ULK2: variants seen among roughly 807,000 people sequenced by gnomAD.
ULK2 encodes serine/threonine-protein kinase ULK2.
ULK2 carries 76 observed loss-of-function variants against 127.5 expected under a neutral mutation model. The ratio of observed to expected loss-of-function variants is 0.60; its 90% CI spans 0.50 to 0.72. ULK2 has a LOEUF of 0.72. ULK2 is among the 30% of genes least tolerant of loss of function. ULK2 has a pLI of 0.00. For synonymous variants in ULK2, 452 were observed against 461.9 expected (o/e 0.98, Z 0.28); for missense variants, 1,144 against 1,295.9 (o/e 0.88, Z 1.80).
chr17:19,793,278 T>TG (rs1277541066), intron 20 of ULK2, among the ~76,000 whole-genome samples: 1 of 152,144 alleles, frequency 6.6e-6, no homozygotes, highest in African/African-American at 2.4e-5. Flanking sequence ...TACCTCCACC[T>TG]GGCTCTCCCC....
rs555678776 is a variant in ULK2, at chr17:19,817,767, T to C, written c.925-847A>G. Among the ~76,000 whole-genome samples the C allele has an allele frequency of 2.0e-5, 3 of 152,248 alleles. No individual in the cohort carries two copies. In the South Asian group the frequency reaches 6.2e-4, roughly 32 times the overall value. ...TTATTTAAGGAACGGAAAAATACTA[T>C]ATTATGCTCTTTAAACCCAAGCCTT... On this transcript the variant is annotated intron_variant, in intron 12 of 26. Transcript: ENST00000395544.
intron 26 of ULK2, 58 bp downstream of exon 26, chr17:19,777,523 C>T (rs1216322853): frequency 1.2e-5 from 19 of 1,542,518 alleles, no homozygotes; most frequent in Non-Finnish European, 1.6e-5. Flanking sequence ...TTGTACTATG[C>T]TTGTGATAGA....
At chr17:19,839,012 C>T (rs1346250998) in intron 9 of ULK2, among the ~76,000 whole-genome samples, 1 of 143,916 alleles carries the variant, frequency 6.9e-6, no homozygotes, top group Admixed American at 7.1e-5. Context: ...GGCTGGGCGA[C>T]AGAGCAAGAC....
intron 1 of ULK2, among the ~76,000 whole-genome samples, chr17:19,866,689 T>C (rs540736277): frequency 1.3e-5 from 2 of 152,346 alleles, no homozygotes; most frequent in South Asian, 4.1e-4. Flanking sequence ...GTAACTGTAC[T>C]TGCGAAACAG....
At chr17:19,815,862 TA>T (rs999546158) in intron 13 of ULK2, among the ~76,000 whole-genome samples, 4 of 151,196 alleles carry the variant, frequency 2.6e-5, no homozygotes, top group African/African-American at 9.7e-5. Context: ...TAACAAAATT[TA>T]AAAAAAAGAA....
chr17:19,867,191 G>C (rs1484055188), intron 1 of ULK2, 137 bp downstream of exon 1: 3 of 631,712 alleles, frequency 4.7e-6, no homozygotes, highest in African/African-American at 3.9e-5. Context: ...CAAACGGCGA[G>C]ACGGGCTGCG....
intron 1 of ULK2, 38 bp downstream of exon 1, chr17:19,867,290 G>A: frequency 6.7e-7 from 1 of 1,497,504 alleles, no homozygotes; most frequent in Non-Finnish European, 8.9e-7. Flanking sequence ...CCCCGTGCCT[G>A]CCGCCCGGGG....
chr17:19,852,860 C>T (rs1299781408), intron 3 of ULK2, among the ~76,000 whole-genome samples: 1 of 151,854 alleles, frequency 6.6e-6, no homozygotes, highest in Non-Finnish European at 1.5e-5. Flanking sequence ...CTGTGTTAGC[C>T]AGGATGGTCT....
chr17:19,846,010 C>T (rs2041872073), intron 6 of ULK2, among the ~76,000 whole-genome samples: 1 of 152,102 alleles, frequency 6.6e-6, no homozygotes, highest in South Asian at 2.1e-4. Flanking sequence ...TTGCGCATCC[C>T]AGCTACTTGG....
intron 16 of ULK2, among the ~76,000 whole-genome samples, chr17:19,801,423 T>C (rs2087394979): frequency 6.6e-6 from 1 of 151,644 alleles, no homozygotes. Context: ...AATAAAAAAG[T>C]AAAAAAAATT....
At chr17:19,796,341 T>G (rs2087271772) in intron 18 of ULK2, 59 bp from the exon 19 acceptor site, 3 of 1,452,068 alleles carry the variant, frequency 2.1e-6, no homozygotes, top group Non-Finnish European at 2.7e-6. Flanking sequence ...CATGAACTAT[T>G]CAGTACTGGC....
intron 12 of ULK2, among the ~76,000 whole-genome samples, chr17:19,822,933 A>G (rs373890): frequency 6.8e-6 from 1 of 147,064 alleles, no homozygotes; most frequent in East Asian, 2.0e-4. Context: ...TGATCTGGCC[A>G]CCTCAGCCTC....
chr17:19,852,580 G>GT (rs1284899321), intron 3 of ULK2, among the ~76,000 whole-genome samples: 2 of 149,636 alleles, frequency 1.3e-5, no homozygotes, highest in Admixed American at 1.3e-4. Context: ...TATTTAAAGT[G>GT]TTTTTATACT....
At chr17:19,777,864 G>T in intron 25 of ULK2, 148 bp from the exon 26 acceptor site, 7 of 1,020,408 alleles carry the variant, frequency 6.9e-6, no homozygotes, top group Non-Finnish European at 9.6e-6. Context: ...AAAACTCAAA[G>T]ATTCTTTGGG....
intron 5 of ULK2, among the ~76,000 whole-genome samples, chr17:19,848,504 G>A (rs1046675762): frequency 6.6e-5 from 10 of 152,090 alleles, no homozygotes; most frequent in African/African-American, 2.4e-4. Context: ...ATATGGCCCA[G>A]TGTGTGGCTC....
At chr17:19,815,374 A>AG (rs1237010383) in intron 13 of ULK2, among the ~76,000 whole-genome samples, 13 of 151,916 alleles carry the variant, frequency 8.6e-5, no homozygotes, top group Admixed American at 8.5e-4. Context: ...GTGCTCCTGG[A>AG]GGGGGTTCAA....
Position 19,804,683 on chromosome 17 carries a change from A to C in ULK2, c.1295+10T>G, listed in dbSNP as rs1204208764. 7.6e-6 allele frequency: 12 copies of C among 1,575,330 alleles called. No individual in the cohort carries two copies. Among genetic ancestry groups the C allele is most frequent in the African/African-American group, 1.4e-5 (1 of 73,588 alleles). On this transcript the variant is annotated intron_variant, in intron 15 of 26. Coordinates refer to ENST00000395544, the MANE Select transcript of ULK2 (RefSeq NM_014683.4). Reference sequence around the variant, plus strand: ...AAAAGAATTAAGCAAGAAAAAAGCTACTAACTTACCTTGGAGAACCATGTA... The same window carrying C: ...AAAAGAATTAAGCAAGAAAAAAGCTCCTAACTTACCTTGGAGAACCATGTA...
chr17:19,843,368 G>A, intron 7 of ULK2, 146 bp from the exon 8 acceptor site: 2 of 496,164 alleles, frequency 4.0e-6, no homozygotes, highest in South Asian at 8.1e-5. Context: ...AAATAATAAG[G>A]CAAAGAACTT....
At chr17:19,847,434 C>T (rs911977453) in intron 5 of ULK2, among the ~76,000 whole-genome samples, 1 of 152,148 alleles carries the variant, frequency 6.6e-6, no homozygotes, top group Non-Finnish European at 1.5e-5. Context: ...ATCTCCCACA[C>T]CCCCGTCCCA....
Sources: gnomAD v4.1 joint callset for allele counts (sites outside exome capture counted in the v4.1 genomes callset) on GRCh38, gnomAD v4.1.1 for gene constraint, MANE v1.5 for transcripts, NCBI Gene and HGNC (gene_info 2026-07-23, HGNC 2026-07-21) for gene names.